Variants in STAT4 observed in about 807,000 individuals in gnomAD.
The protein encoded by STAT4 is signal transducer and activator of transcription 4.
In STAT4, 42 loss-of-function variants were observed where a neutral mutation model predicts 110.5. The ratio of observed to expected loss-of-function variants is 0.38; its 90% confidence interval spans 0.30 to 0.49. The LOEUF (loss-of-function observed/expected upper bound fraction) is 0.49, where lower values mean the gene tolerates loss of function less well. Among genes scored for constraint, STAT4 ranks in the 20% least tolerant of loss-of-function variants. STAT4 has a pLI of 0.95. For synonymous variants in STAT4, 284 were observed against 302.2 expected (o/e 0.94, Z 0.63); for missense variants, 632 against 887.9 (o/e 0.71, Z 3.66).
In STAT4 at chr2:191,124,031, C is replaced by A. The variant is rs370524979; in HGVS notation, c.273+22582G>T. ...ATTTCAGCAAGGAAAATCTTAAAAT[C>A]TAAATTGCTCTTATGAACTCTAAAC... On this transcript the variant is annotated intron_variant, in intron 3 of 23. Coordinates refer to ENST00000392320, the MANE Select transcript of STAT4 (RefSeq NM_003151.4). 1.9e-4 allele frequency among the ~76,000 whole-genome samples: 29 copies of A among 152,292 alleles called. 1 individual carries two copies. Among genetic ancestry groups the A allele is most frequent in the African/African-American group, 6.5e-4 (27 of 41,566 alleles).
chr2:191,115,300 T>C (rs565008753), intron 3 of STAT4, among the ~76,000 whole-genome samples: 2 of 152,166 alleles, frequency 1.3e-5, no homozygotes, highest in East Asian at 3.9e-4. Flanking sequence ...TAAGCAGTCA[T>C]GAGATGTCTG....
In STAT4 at chr2:191,050,666, A is replaced by G. The variant is rs1696496330; in HGVS notation, c.1251+3824T>C. The stretch of plus-strand genomic sequence containing the variant: ...GAGTTTCCATCTGTAAATATATAAA[A>G]TAAAGCTGCCTTGATAGAAACAGGC... On this transcript the variant is annotated intron_variant, in intron 14 of 23. Coordinates refer to ENST00000392320, the MANE Select transcript of STAT4 (RefSeq NM_003151.4). The surrounding 1 kb of genome is among the most constrained non-coding windows in gnomAD (Gnocchi z 4.3). Among the ~76,000 whole-genome samples, 1 of 152,120 alleles carries G rather than the reference A, an allele frequency of 6.6e-6. No homozygotes were observed. Among genetic ancestry groups the G allele is most frequent in the South Asian group, 2.1e-4 (1 of 4,826 alleles).
rs1698653225 is a variant in STAT4, at chr2:191,119,186, TAAAAAATTA to T, written c.273+27418_273+27426del. On this transcript the variant is annotated intron_variant, in intron 3 of 23. Coordinates refer to ENST00000392320, the MANE Select transcript of STAT4 (RefSeq NM_003151.4). ...TCACCTGTGTATACTGGTGAAAAAC[TAAAAAATTA>T]ATAAACGTCCAATTAGTAGGTGAAT... is the stretch of plus-strand genomic sequence containing the variant. 2.6e-5 allele frequency among the ~76,000 whole-genome samples: 4 copies of T among 152,130 alleles called. No homozygotes were observed. In the South Asian group the frequency reaches 8.3e-4, roughly 32 times the overall value.
intron 16 of STAT4, among the ~76,000 whole-genome samples, chr2:191,036,886 G>A (rs1457061963): frequency 6.6e-6 from 1 of 152,018 alleles, no homozygotes; most frequent in Non-Finnish European, 1.5e-5. Context: ...AAAGTCTTTT[G>A]GCCAACCTAA....
rs1200591776 is a variant in STAT4, at chr2:191,086,361, ATAAATCCT to A, written c.274-10044_274-10037del. On this transcript the variant is annotated intron_variant, in intron 3 of 23. Coordinates refer to ENST00000392320, the MANE Select transcript of STAT4 (RefSeq NM_003151.4). The surrounding 1 kb of genome is among the most constrained non-coding windows in gnomAD (Gnocchi z 5.5). ...TTCATACAACTATCTGCAAGCATAG[ATAAATCCT>A]TGGCTGGGCTTGAGGCTTTTAAAAG... Among the ~76,000 whole-genome samples the A allele has an allele frequency of 2.0e-5, 3 of 152,218 alleles. No homozygotes were observed. Among genetic ancestry groups the A allele is most frequent in the African/African-American group, 7.2e-5 (3 of 41,462 alleles).
chr2:191,107,854 C>T lies in STAT4; in HGVS notation c.274-31529G>A, dbSNP rs1164120977. On this transcript the variant is annotated intron_variant, in intron 3 of 23. Transcript: ENST00000392320. The surrounding 1 kb of genome is among the most constrained non-coding windows in gnomAD (Gnocchi z 4.2). Reference sequence around the variant, plus strand: ...TATTTATTATGTGAAGAAGTCCTAACATTTCTATAGGATGAAGGGCCCAAA... The same window carrying T: ...TATTTATTATGTGAAGAAGTCCTAATATTTCTATAGGATGAAGGGCCCAAA... Among the ~76,000 whole-genome samples, 2 of 152,270 alleles carry T rather than the reference C, an allele frequency of 1.3e-5. No individual in the cohort carries two copies. Among genetic ancestry groups the T allele is most frequent in the East Asian group, 3.9e-4 (2 of 5,188 alleles).
At chr2:191,084,081 G>C (rs1396516149) in intron 3 of STAT4, among the ~76,000 whole-genome samples, 1 of 151,938 alleles carries the variant, frequency 6.6e-6, no homozygotes, top group Non-Finnish European at 1.5e-5. Flanking sequence ...GACCAACAAG[G>C]TGAAACCCCG....
In STAT4 at chr2:191,086,190, T is replaced by C. The variant is rs992548459; in HGVS notation, c.274-9865A>G. On this transcript the variant is annotated intron_variant, in intron 3 of 23. Coordinates refer to ENST00000392320, the MANE Select transcript of STAT4 (RefSeq NM_003151.4). This position sits in a 1 kb window ranked among gnomAD's most constrained non-coding sequence, Gnocchi z 5.5. ...GATGGCTTTGAGGAATTGGGATTGA[T>C]GTACAGAGCCCATAAAAGCCCTTTG... Among the ~76,000 whole-genome samples the C allele has an allele frequency of 1.3e-5, 2 of 152,168 alleles. No homozygotes were observed. Among genetic ancestry groups the C allele is most frequent in the African/African-American group, 4.8e-5 (2 of 41,448 alleles).
rs952330313 is a variant in STAT4, at chr2:191,142,795, G to A, written c.273+3818C>T. 6.6e-6 allele frequency among the ~76,000 whole-genome samples: 1 copy of A among 152,114 alleles called. No homozygotes were observed. Among genetic ancestry groups the A allele is most frequent in the African/African-American group, 2.4e-5 (1 of 41,422 alleles). On this transcript the variant is annotated intron_variant, in intron 3 of 23. Coordinates refer to ENST00000392320, the MANE Select transcript of STAT4 (RefSeq NM_003151.4). This position sits in a 1 kb window ranked among gnomAD's most constrained non-coding sequence, Gnocchi z 4.1. The stretch of plus-strand genomic sequence containing the variant: ...AAAAATCCAGAGAGTGAAAAGATCG[G>A]TAGTGTTCAGGGGCTCCGTGGGAAG...
intron 5 of STAT4, among the ~76,000 whole-genome samples, chr2:191,071,525 GT>G (rs1697151053): frequency 6.6e-6 from 1 of 152,208 alleles, no homozygotes; most frequent in African/African-American, 2.4e-5. Context: ...CTAATGAAAA[GT>G]GTATTAAACC....
Position 191,032,800 on chromosome 2 carries a change from A to G in STAT4, c.2044+158T>C, listed in dbSNP as rs916491415. 1.3e-5 allele frequency: 9 copies of G among 719,302 alleles called. No homozygotes were observed. The highest frequency in any genetic ancestry group is 2.8e-5 in the East Asian group (1 of 35,354). 44.6% of individuals were successfully genotyped at this position (719,302 alleles called of 1,614,324 possible). On this transcript the variant is annotated intron_variant, in intron 21 of 23. Coordinates refer to ENST00000392320, the MANE Select transcript of STAT4 (RefSeq NM_003151.4). The surrounding 1 kb of genome is among the most constrained non-coding windows in gnomAD (Gnocchi z 4.9). ...CGGTCCCTTTTCAGGAACTGCTGAC[A>G]TACCACTTCATTTCTAAGGCTTTGA...
At chr2:191,076,124 G>T in intron 4 of STAT4, 103 bp downstream of exon 4, 1 of 926,718 alleles carries the variant, frequency 1.1e-6, no homozygotes, top group Non-Finnish European at 1.7e-6. Context: ...AAAGTGTTAG[G>T]ATTACAGGTG....
chr2:191,096,223 T>G (rs1697977281), intron 3 of STAT4, among the ~76,000 whole-genome samples: 1 of 152,198 alleles, frequency 6.6e-6, no homozygotes, highest in Non-Finnish European at 1.5e-5. Context: ...CTTCTGAAAC[T>G]ATTCCAATCA....
chr2:191,074,986 T>C (rs1697271039), intron 4 of STAT4, among the ~76,000 whole-genome samples: 1 of 151,932 alleles, frequency 6.6e-6, no homozygotes, highest in African/African-American at 2.4e-5. Flanking sequence ...TGTAGTGAAA[T>C]CTGTCTCTAC....
intron 3 of STAT4, among the ~76,000 whole-genome samples, chr2:191,126,594 G>A (rs539635776): frequency 1.3e-5 from 2 of 152,286 alleles, no homozygotes; most frequent in East Asian, 3.9e-4. Flanking sequence ...ACTAGAGGCT[G>A]TAGAAATCTC....
rs3024932 is a variant in STAT4 at position 191,034,218 on chromosome 2, T to G, written c.1621-213A>C. 8.8e-3 allele frequency among the ~76,000 whole-genome samples: 1,333 copies of G among 152,124 alleles called. 14 individuals carry two copies. The highest frequency in any genetic ancestry group is 0.061 in the Middle Eastern group (18 of 294). ...CGGGCAGATTATGAGGTCAGGAGAT[T>G]GAGACCATCCTGACTAACACGGTGA... is the stretch of plus-strand genomic sequence containing the variant. On this transcript the variant is annotated intron_variant, in intron 18 of 23. Transcript: ENST00000392320.
At chr2:191,038,225 G>T (rs940175767) in intron 16 of STAT4, among the ~76,000 whole-genome samples, 6 of 152,056 alleles carry the variant, frequency 3.9e-5, no homozygotes, top group Admixed American at 2.0e-4. Flanking sequence ...AAGATCAGGC[G>T]ATTTCTCTGG....
intron 3 of STAT4, among the ~76,000 whole-genome samples, chr2:191,126,661 C>T (rs1698889446): frequency 1.3e-5 from 2 of 152,164 alleles, no homozygotes; most frequent in Admixed American, 1.3e-4. Context: ...CTGCAAGCTT[C>T]TGTTACAGCT....
At chr2:191,119,633 A>G (rs903947394) in intron 3 of STAT4, among the ~76,000 whole-genome samples, 5 of 152,222 alleles carry the variant, frequency 3.3e-5, no homozygotes, top group Admixed American at 1.3e-4. Context: ...TGTAATCCCA[A>G]TGAAAATCCC....
Sources: allele counts gnomAD v4.1 joint callset (sites outside exome capture counted in the v4.1 genomes callset), GRCh38; gene constraint gnomAD v4.1.1; non-coding constraint Gnocchi (gnomAD v3.1); transcripts MANE v1.5; gene names NCBI Gene and HGNC (gene_info 2026-07-23, HGNC 2026-07-21).